The following ZNF536 variants were observed in gnomAD, a reference collection of about 807,000 sequenced individuals.
ZNF536 encodes the protein zinc finger protein 536.
A neutral mutation model predicts 84.5 loss-of-function variants in ZNF536; 13 were observed. That is an observed-to-expected ratio of 0.15 (90% CI 0.10 to 0.24). The LOEUF is 0.24. Ranked by LOEUF, ZNF536 falls within the 10% of genes least tolerant of loss-of-function variation. The pLI is 1.00. For synonymous variants in ZNF536, 811 were observed against 742.5 expected, an observed-to-expected ratio of 1.09 and a Z score of -1.50; for missense variants, 1,536 against 1,747.5, an observed-to-expected ratio of 0.88 and a Z score of 2.16.
At chr19:30,301,266 C>G (rs978717884) in intron 2 of ZNF536, among the ~76,000 whole-genome samples, 3 of 152,064 alleles carry the variant, frequency 2.0e-5, no homozygotes, top group Non-Finnish European at 4.4e-5. Context: ...CAGAAATAAC[C>G]TCTTCACATG....
chr19:30,598,871 C>T (rs1054859196), intron 1 of ZNF536, among the ~76,000 whole-genome samples: 2 of 152,032 alleles, frequency 1.3e-5, no homozygotes, highest in Admixed American at 6.6e-5. Flanking sequence ...TCCCTTCTTC[C>T]TCACTATTTT....
At chr19:30,515,782 T>C (rs1306270660) in intron 2 of ZNF536, among the ~76,000 whole-genome samples, 1 of 151,742 alleles carries the variant, frequency 6.6e-6, no homozygotes, top group African/African-American at 2.4e-5. Context: ...TCCCAGAACT[T>C]TGGGAGGCCA....
chr19:30,696,728 T>C (rs1727701615), intron 1 of ZNF536, among the ~76,000 whole-genome samples: 1 of 151,550 alleles, frequency 6.6e-6, no homozygotes, highest in African/African-American at 2.4e-5. Context: ...CCAGGAAGAG[T>C]AGCCCTGAAG....
chr19:30,478,559 C>T (rs1319554156), intron 2 of ZNF536, among the ~76,000 whole-genome samples: 1 of 152,164 alleles, frequency 6.6e-6, no homozygotes, highest in Non-Finnish European at 1.5e-5. Flanking sequence ...AGTCTGATCC[C>T]TTATGTGTAT....
At chr19:30,558,115 A>C (rs1340010023), downstream of ZNF536, 1 of 152,128 alleles carries the variant, frequency 6.6e-6, no homozygotes, top group Non-Finnish European at 1.5e-5. Flanking sequence ...TCACCCCGAC[A>C]TTCTTCTCAC....
intron 1 of ZNF536, among the ~76,000 whole-genome samples, chr19:30,432,446 T>C (rs565868180): frequency 1.5e-4 from 23 of 152,200 alleles, no homozygotes; most frequent in African/African-American, 5.5e-4. Flanking sequence ...TCCAGGAAGG[T>C]TTCCTGGAGC....
chr19:30,544,120 C>T (rs545183499), intron 3 of ZNF536, among the ~76,000 whole-genome samples: 1 of 152,160 alleles, frequency 6.6e-6, no homozygotes, highest in African/African-American at 2.4e-5. Context: ...AAGGGTTTAT[C>T]CCCTGGAACA....
chr19:30,286,765 A>AT (rs1372705115), intron 2 of ZNF536, among the ~76,000 whole-genome samples: 1 of 152,256 alleles, frequency 6.6e-6, no homozygotes, highest in African/African-American at 2.4e-5. Context: ...GCACCCACAT[A>AT]CATGTATATA....
chr19:30,701,374 AACACAAAC>A (rs1043017577), intron 1 of ZNF536, among the ~76,000 whole-genome samples: 15 of 142,116 alleles, frequency 1.1e-4, no homozygotes, highest in African/African-American at 3.4e-4. Flanking sequence ...CAAATACACA[AACACAAAC>A]ACACAGACAC....
intron 1 of ZNF536, among the ~76,000 whole-genome samples, chr19:30,432,513 TG>T (rs916595974): frequency 9.3e-4 from 142 of 152,034 alleles, no homozygotes; most frequent in African/African-American, 3.4e-3. Context: ...TGTGGTGAGG[TG>T]GGGCTGGGCT....
chr19:30,373,750 C>A (rs1157493067), intron 1 of ZNF536, among the ~76,000 whole-genome samples: 4 of 152,216 alleles, frequency 2.6e-5, no homozygotes, highest in Non-Finnish European at 2.9e-5. Context: ...GGAGAGAAAG[C>A]CCCGGCAAAT....
chr19:30,344,990 A>G (rs970601809), intron 2 of ZNF536, among the ~76,000 whole-genome samples: 1 of 152,244 alleles, frequency 6.6e-6, no homozygotes, highest in African/African-American at 2.4e-5. Context: ...CTGCTGGCTT[A>G]TCTTTTAATA....
intron 2 of ZNF536, among the ~76,000 whole-genome samples, chr19:30,497,367 C>T (rs1019155948): frequency 1.3e-5 from 2 of 152,232 alleles, no homozygotes; most frequent in Non-Finnish European, 2.9e-5. Flanking sequence ...AATAACCCAG[C>T]ATGCAGGGAC....
At chr19:30,670,173 C>A (rs989376925) in intron 1 of ZNF536, among the ~76,000 whole-genome samples, 2 of 152,164 alleles carry the variant, frequency 1.3e-5, no homozygotes, top group Non-Finnish European at 2.9e-5. Flanking sequence ...AATGGGGGAA[C>A]GAATTCCTGA....
At chr19:30,494,564 G>A (rs2054638340) in intron 2 of ZNF536, among the ~76,000 whole-genome samples, 1 of 152,056 alleles carries the variant, frequency 6.6e-6, no homozygotes, top group Admixed American at 6.6e-5. Flanking sequence ...CAGCTCTATG[G>A]GTGCCCCATC....
chr19:30,449,549 G>T (rs955697238), intron 2 of ZNF536, among the ~76,000 whole-genome samples: 4 of 152,150 alleles, frequency 2.6e-5, no homozygotes, highest in Non-Finnish European at 5.9e-5. Context: ...ATCCAACAGG[G>T]CAGTTACCTT....
chr19:30,635,633 G>C (rs992547982), intron 1 of ZNF536, among the ~76,000 whole-genome samples: 1 of 152,176 alleles, frequency 6.6e-6, no homozygotes, highest in Admixed American at 6.5e-5. Context: ...GGTGTGGCTG[G>C]GGGTGTCCTT....
At chr19:30,664,161 G>A (rs762046440) in intron 1 of ZNF536, among the ~76,000 whole-genome samples, 4 of 150,276 alleles carry the variant, frequency 2.7e-5, no homozygotes, top group Non-Finnish European at 4.4e-5. Flanking sequence ...TTCATCATGG[G>A]AAGATTTCAA....
chr19:30,593,918 G>A (rs938235141), intron 1 of ZNF536, among the ~76,000 whole-genome samples: 2 of 152,150 alleles, frequency 1.3e-5, no homozygotes, highest in Non-Finnish European at 1.5e-5. Flanking sequence ...ACACTGAGAA[G>A]AAGAGGAAAA....
Sources: gnomAD v4.1 joint callset for allele counts (sites outside exome capture counted in the v4.1 genomes callset) on GRCh38, gnomAD v4.1.1 for gene constraint, MANE v1.5 for transcripts, NCBI Gene and HGNC (gene_info 2026-07-23, HGNC 2026-07-21) for gene names.